Variants in PRTFDC1 observed in about 807,000 individuals in gnomAD.
The protein encoded by PRTFDC1 is phosphoribosyltransferase domain-containing protein 1.
Under a neutral mutation model 34.6 loss-of-function variants are expected in PRTFDC1, and 38 were observed. The observed-to-expected ratio is 1.10, with a 90% CI of 0.85 to 1.44. PRTFDC1 has a LOEUF of 1.44. Ranked by LOEUF, PRTFDC1 falls within the 40% of genes most tolerant of loss-of-function variation. PRTFDC1 has a pLI of 0.00. For missense variants in PRTFDC1, 270 were observed against 283.0 expected (o/e 0.95, Z 0.33); for synonymous variants, 93 against 98.1 (o/e 0.95, Z 0.31).
chr10:24,927,862 G>A (rs1420949244), intron 3 of PRTFDC1, among the ~76,000 whole-genome samples: 16 of 152,130 alleles, frequency 1.1e-4, no homozygotes, highest in Non-Finnish European at 2.1e-4. Context: ...TCCTACAGGC[G>A]TGAGCTATTG....
intron 3 of PRTFDC1, among the ~76,000 whole-genome samples, chr10:24,897,982 T>C (rs1430758895): frequency 2.0e-5 from 3 of 152,134 alleles, no homozygotes; most frequent in Non-Finnish European, 4.4e-5. Flanking sequence ...TGTCCTATAA[T>C]AGAGGAAGAC....
At chr10:24,931,643 A>C (rs1848973673) in intron 3 of PRTFDC1, among the ~76,000 whole-genome samples, 1 of 152,016 alleles carries the variant, frequency 6.6e-6, no homozygotes, top group African/African-American at 2.4e-5. Context: ...AAATGCCTTG[A>C]AAGACACAAA....
intron 3 of PRTFDC1, among the ~76,000 whole-genome samples, chr10:24,895,504 G>T (rs1325230219): frequency 6.6e-6 from 1 of 150,602 alleles, no homozygotes; most frequent in African/African-American, 2.4e-5. Context: ...ACCTGCCTTG[G>T]CCTCCCAAAG....
chr10:24,878,384 A>G (rs1034627674), intron 3 of PRTFDC1, among the ~76,000 whole-genome samples: 2 of 152,144 alleles, frequency 1.3e-5, no homozygotes, highest in African/African-American at 4.8e-5. Flanking sequence ...CCTGACCCTC[A>G]CCAGTATTCC....
chr10:24,947,055 G>T (rs931530547), intron 1 of PRTFDC1, among the ~76,000 whole-genome samples: 1 of 152,176 alleles, frequency 6.6e-6, no homozygotes, highest in Non-Finnish European at 1.5e-5. Flanking sequence ...CAGGAGGATG[G>T]CTTGAGTCTA....
intron 3 of PRTFDC1, among the ~76,000 whole-genome samples, chr10:24,888,453 A>G (rs909431763): frequency 4.6e-5 from 7 of 152,150 alleles, no homozygotes; most frequent in Admixed American, 2.6e-4. Context: ...TAAAATGTCT[A>G]TTGGATTGAA....
intron 4 of PRTFDC1, 53 bp from the exon 5 acceptor site, chr10:24,858,462 G>C: frequency 2.6e-6 from 4 of 1,567,906 alleles, no homozygotes; most frequent in Non-Finnish European, 3.5e-6. Context: ...TGACTCACAG[G>C]ATACATACAC....
Position 24,912,343 on chromosome 10 carries a change from C to A in PRTFDC1, c.339+24841G>T, listed in dbSNP as rs180979269. ...TTTTTTTTTTTCAGAGAGGCTGCAG[C>A]GTCTTCCATTCCCATCAGCAGTGTA... On this transcript the variant is annotated intron_variant, in intron 3 of 8. Coordinates refer to ENST00000320152, the MANE Select transcript of PRTFDC1 (RefSeq NM_020200.7). 6.6e-5 allele frequency among the ~76,000 whole-genome samples: 9 copies of A among 137,324 alleles called. No individual in the cohort carries two copies. In the Admixed American group the frequency reaches 6.8e-4, roughly 10 times the overall value. 90.1% of individuals were successfully genotyped at this position (137,324 alleles called of 152,430 possible).
rs1848410964 is a variant in PRTFDC1 at position 24,898,952 on chromosome 10, A to G, written c.340-26889T>C. 4.0e-5 allele frequency among the ~76,000 whole-genome samples: 6 copies of G among 149,772 alleles called. No individual in the cohort carries two copies. In the South Asian group the frequency reaches 1.3e-3, roughly 32 times the overall value. Reference sequence around the variant, plus strand: ...CCCCAGAATGCTTGTCTTTCTGGATACAAGAAGCTGGCCACATGCAACCCG... The same window carrying G: ...CCCCAGAATGCTTGTCTTTCTGGATGCAAGAAGCTGGCCACATGCAACCCG... On this transcript the variant is annotated intron_variant, in intron 3 of 8. Transcript: ENST00000320152.
At chr10:24,904,853 A>G (rs1176978653) in intron 3 of PRTFDC1, among the ~76,000 whole-genome samples, 2 of 151,950 alleles carry the variant, frequency 1.3e-5, no homozygotes, top group East Asian at 3.9e-4. Flanking sequence ...TCCCTAGTCA[A>G]TCCCTTCCAT....
At chr10:24,855,967 G>T (rs1208027158) in intron 6 of PRTFDC1, among the ~76,000 whole-genome samples, 1 of 150,338 alleles carries the variant, frequency 6.7e-6, no homozygotes, top group Non-Finnish European at 1.5e-5. Flanking sequence ...TACAAAAATT[G>T]GCTGGGCATG....
Position 24,872,048 on chromosome 10 carries a change from C to G in PRTFDC1, c.355G>C (p.Gly119Arg). 1 of 1,611,264 alleles carries G rather than the reference C, an allele frequency of 6.2e-7. No homozygotes were observed. The highest frequency in any genetic ancestry group is 2.2e-5 in the East Asian group (1 of 44,860). ...LKSYRNDQSMGEMQIIGGDDL... is the reference protein window; with the variant it reads ...LKSYRNDQSMREMQIIGGDDL... The stretch of plus-strand genomic sequence containing the variant: ...TCGCCTCCGATTATCTGCATCTCAC[C>G]CATGGACTGGTCATTCTGCAAAAAA... The change falls in exon 4 of 9, where the codon GGT becomes CGT. Residue 119 changes from glycine (G) to arginine (R), a missense_variant. Gly to Arg is a moderately radical substitution (Grantham distance 125, BLOSUM62 -2). Transcript: ENST00000320152.
intron 3 of PRTFDC1, among the ~76,000 whole-genome samples, chr10:24,886,167 T>A (rs1429587583): frequency 6.6e-6 from 1 of 152,166 alleles, no homozygotes; most frequent in African/African-American, 2.4e-5. Context: ...TAATGTAGGT[T>A]TTATTGTAAC....
intron 3 of PRTFDC1, among the ~76,000 whole-genome samples, chr10:24,892,092 C>T (rs1235919483): frequency 6.6e-6 from 1 of 152,154 alleles, no homozygotes; most frequent in Non-Finnish European, 1.5e-5. Context: ...ATCCCTTTGA[C>T]ATACTGATTT....
rs1847588827 is a variant in PRTFDC1 at position 24,856,962 on chromosome 10, G to A, written c.457C>T (p.Leu153=). Residue 153 remains leucine (L), a synonymous_variant, in exon 6 of 9, where the codon CTA becomes TTA. Transcript: ENST00000320152. ...TTGTATTTCTCTATATTGCTGAGTA[G>A]TGCTTTCATGGTCCTCCCAGTTCCG... ...VVGTGRTMKA[L]LSNIEKYKPN... 1 of 1,613,732 alleles carries A rather than the reference G, an allele frequency of 6.2e-7. No homozygotes were observed. The highest frequency in any genetic ancestry group is 1.3e-5 in the African/African-American group (1 of 74,918).
chr10:24,896,151 T>G (rs1421085705), intron 3 of PRTFDC1, among the ~76,000 whole-genome samples: 2 of 152,072 alleles, frequency 1.3e-5, no homozygotes, highest in East Asian at 3.9e-4. Flanking sequence ...TCTGTGGTCG[T>G]TGGGAACAGG....
At chr10:24,857,059 C>T in intron 5 of PRTFDC1, 64 bp from the exon 6 acceptor site, 5 of 1,298,892 alleles carry the variant, frequency 3.8e-6, no homozygotes, top group East Asian at 2.3e-5. Context: ...ACTTTTCACC[C>T]AGGGAGATAC....
chr10:24,871,338 T>A (rs1198098009), intron 4 of PRTFDC1, among the ~76,000 whole-genome samples: 1 of 152,166 alleles, frequency 6.6e-6, no homozygotes, highest in African/African-American at 2.4e-5. Flanking sequence ...CAAATGTGCA[T>A]TTCAAGTAAC....
chr10:24,873,423 A>G (rs1350792140), intron 3 of PRTFDC1, among the ~76,000 whole-genome samples: 1 of 152,216 alleles, frequency 6.6e-6, no homozygotes, highest in Non-Finnish European at 1.5e-5. Context: ...TGATGTTGCA[A>G]TCCCTTGATT....
Sources: allele counts gnomAD v4.1 joint callset (sites outside exome capture counted in the v4.1 genomes callset), GRCh38; gene constraint gnomAD v4.1.1; transcripts MANE v1.5; gene names NCBI Gene and HGNC (gene_info 2026-07-23, HGNC 2026-07-21).